Variants in EFR3A observed in about 807,000 individuals in gnomAD.
EFR3A encodes EFR3 homolog A.
EFR3A carries 76 observed loss-of-function variants against 104.4 expected under a neutral mutation model. The ratio of observed to expected loss-of-function variants is 0.73; its 90% CI spans 0.60 to 0.88. The LOEUF (loss-of-function observed/expected upper bound fraction) is 0.88, where lower values mean the gene tolerates loss of function less well. EFR3A is among the 40% of genes least tolerant of loss of function. The pLI is 0.00. For missense variants in EFR3A, 985 were observed against 1,012.5 expected (o/e 0.97, Z 0.37); for synonymous variants, 330 against 330.0 (o/e 1.00, Z 0.00).
At chr8:131,973,410 TTCAC>T (rs1256052707) in intron 10 of EFR3A, among the ~76,000 whole-genome samples, 1 of 152,134 alleles carries the variant, frequency 6.6e-6, no homozygotes, top group Non-Finnish European at 1.5e-5. Flanking sequence ...GTGTTACTCT[TTCAC>T]TCTAGAATAT....
intron 18 of EFR3A, among the ~76,000 whole-genome samples, chr8:131,989,264 T>C (rs1342918164): frequency 6.6e-6 from 1 of 152,212 alleles, no homozygotes; most frequent in Non-Finnish European, 1.5e-5. Flanking sequence ...TTTTGCTGTG[T>C]AACCATCAGA....
At chr8:131,980,509 C>A (rs1820553124) in intron 14 of EFR3A, among the ~76,000 whole-genome samples, 1 of 151,770 alleles carries the variant, frequency 6.6e-6, no homozygotes, top group Admixed American at 6.6e-5. Flanking sequence ...AACTGAGGAA[C>A]CTCAAACAAT....
intron 8 of EFR3A, among the ~76,000 whole-genome samples, chr8:131,962,043 A>G (rs1819376463): frequency 6.6e-6 from 1 of 152,226 alleles, no homozygotes; most frequent in African/African-American, 2.4e-5. Flanking sequence ...CTGCCTTACA[A>G]GAGCTCCTGA....
At chr8:132,010,644 C>T (rs1352350463) in intron 22 of EFR3A, 146 bp from the exon 23 acceptor site, 22 of 933,552 alleles carry the variant, frequency 2.4e-5, no homozygotes, top group Admixed American at 1.2e-4. Flanking sequence ...CCCATGCAGC[C>T]TTGTAGCTGG....
intron 8 of EFR3A, among the ~76,000 whole-genome samples, chr8:131,961,986 A>G (rs1213819105): frequency 1.3e-5 from 2 of 152,208 alleles, no homozygotes; most frequent in Non-Finnish European, 2.9e-5. Context: ...GAGAAATAAA[A>G]TACTCTACAG....
chr8:132,003,213 TA>T (rs1270981859), intron 21 of EFR3A, 22 bp from the exon 22 acceptor site: 4 of 1,600,764 alleles, frequency 2.5e-6, no homozygotes, highest in African/African-American at 1.3e-5. Flanking sequence ...AAACCATTCT[TA>T]ACATTTTTTT....
Position 132,003,118 on chromosome 8 carries a change from T to G in EFR3A, c.2311-118T>G, listed in dbSNP as rs1242044638. The G allele has an allele frequency of 1.0e-5, 8 of 789,878 alleles. No individual in the cohort carries two copies. In the African/African-American group the frequency reaches 1.0e-4, roughly 10 times the overall value. The allele number at this position is 789,878 out of a possible 1,614,324, so 48.9% of individuals were successfully genotyped here. On this transcript the variant is annotated intron_variant, in intron 21 of 22. Coordinates refer to ENST00000254624, the MANE Select transcript of EFR3A (RefSeq NM_015137.6). ...ACCAAAACTTTAAAGCATTGTGTAC[T>G]TAATAATTAATCAGCTTAATAGTCA...
intron 1 of EFR3A, among the ~76,000 whole-genome samples, chr8:131,908,154 G>A (rs559150859): frequency 4.0e-5 from 6 of 151,840 alleles, no homozygotes; most frequent in East Asian, 1.9e-4. Flanking sequence ...TCCAAATCCC[G>A]GGTTCAAGCA....
At chr8:131,941,173 T>C (rs1346850563) in intron 2 of EFR3A, among the ~76,000 whole-genome samples, 1 of 152,066 alleles carries the variant, frequency 6.6e-6, no homozygotes, top group Non-Finnish European at 1.5e-5. Flanking sequence ...AGAAAGATTG[T>C]TTCAGGCAGA....
chr8:131,960,195 A>T (rs561714767), intron 8 of EFR3A, among the ~76,000 whole-genome samples: 6 of 152,234 alleles, frequency 3.9e-5, no homozygotes, highest in African/African-American at 1.4e-4. Context: ...TTGTCATTTT[A>T]TGTGGATATC....
At chr8:131,907,474 A>G (rs1416541861) in intron 1 of EFR3A, among the ~76,000 whole-genome samples, 1 of 152,224 alleles carries the variant, frequency 6.6e-6, no homozygotes, top group African/African-American at 2.4e-5. Context: ...TTGAGTAATT[A>G]TGTGTGTTGA....
At chr8:131,997,497 A>T (rs1011805272) in intron 19 of EFR3A, among the ~76,000 whole-genome samples, 2 of 152,054 alleles carry the variant, frequency 1.3e-5, no homozygotes, top group African/African-American at 4.8e-5. Context: ...TTTTATTAAG[A>T]ACTTATCAGC....
chr8:132,003,217 A>AT lies in EFR3A; in HGVS notation c.2311-12dup, dbSNP rs745670232. Reference sequence around the variant, plus strand: ...ACCTAGAAAATAAACCATTCTTAACATTTTTTTCTTTTTTGCAGGCAAATT... The same window carrying AT: ...ACCTAGAAAATAAACCATTCTTAACATTTTTTTTCTTTTTTGCAGGCAAATT... On this transcript the variant is annotated intron_variant, in intron 21 of 22. Coordinates refer to ENST00000254624, the MANE Select transcript of EFR3A (RefSeq NM_015137.6). 10 of 1,605,816 alleles carry AT rather than the reference A, an allele frequency of 6.2e-6. No individual in the cohort carries two copies. Among genetic ancestry groups the AT allele is most frequent in the Admixed American group, 1.7e-5 (1 of 59,818 alleles).
chr8:131,988,888 A>T (rs1162628467), intron 18 of EFR3A, among the ~76,000 whole-genome samples: 3 of 152,018 alleles, frequency 2.0e-5, no homozygotes, highest in Non-Finnish European at 4.4e-5. Context: ...TATCTTCCTT[A>T]TAGCCCTAGT....
chr8:131,979,206 G>T, intron 13 of EFR3A, 140 bp from the exon 14 acceptor site: 1 of 928,402 alleles, frequency 1.1e-6, no homozygotes, highest in Non-Finnish European at 1.6e-6. Flanking sequence ...GGGCACGTAT[G>T]TACTCTTCAG....
chr8:131,979,161 T>C (rs1820473412), intron 13 of EFR3A, 142 bp downstream of exon 13: 1 of 1,091,910 alleles, frequency 9.2e-7, no homozygotes, highest in Non-Finnish European at 1.3e-6. Flanking sequence ...TTGAGATAAT[T>C]TAATCAATAT....
chr8:131,908,116 A>G (rs943429309), intron 1 of EFR3A, among the ~76,000 whole-genome samples: 1 of 151,098 alleles, frequency 6.6e-6, no homozygotes, highest in African/African-American at 2.4e-5. Flanking sequence ...GCTGGAGTGC[A>G]GTGGTGAGAT....
rs781083351 is a variant in EFR3A at position 132,003,275 on chromosome 8, C to T, written c.2350C>T (p.Leu784Phe). 5 of 1,612,336 alleles carry T rather than the reference C, an allele frequency of 3.1e-6. No homozygotes were observed. The highest frequency in any genetic ancestry group is 4.2e-6 in the Non-Finnish European group (5 of 1,179,122). Reference protein sequence around the residue: ...LHDRLAQILELTIRPPPSPSG... With the variant: ...LHDRLAQILEFTIRPPPSPSG... ...TGATAGACTTGCCCAAATATTGGAA[C>T]TCACCATACGGTAAGGGTTTTGTTA... is the stretch of plus-strand genomic sequence containing the variant. The change falls in exon 22 of 23, where the codon CTC (leucine) becomes TTC (phenylalanine). Residue 784 changes from leucine to phenylalanine, a missense_variant. Leu to Phe is a conservative substitution (Grantham distance 22). Transcript: ENST00000254624.
intron 11 of EFR3A, 31 bp from the exon 12 acceptor site, chr8:131,977,010 G>A: frequency 6.8e-7 from 1 of 1,470,520 alleles, no homozygotes; most frequent in East Asian, 2.3e-5. Flanking sequence ...ATGCTAATTA[G>A]TATAATAATT....
Sources: allele counts gnomAD v4.1 joint callset (sites outside exome capture counted in the v4.1 genomes callset), GRCh38; gene constraint gnomAD v4.1.1; transcripts MANE v1.5; gene names NCBI Gene and HGNC (gene_info 2026-07-23, HGNC 2026-07-21).